CDK19: variants seen among roughly 807,000 people sequenced by gnomAD.
CDK19 encodes cyclin-dependent kinase 19.
A neutral mutation model predicts 68.3 loss-of-function variants in CDK19; 20 were observed. The ratio of observed to expected loss-of-function variants is 0.29; its 90% confidence interval spans 0.21 to 0.43. The LOEUF (loss-of-function observed/expected upper bound fraction) is 0.43. Among genes scored for constraint, CDK19 ranks in the 20% least tolerant of loss-of-function variants. The pLI, the probability that CDK19 is intolerant of heterozygous loss-of-function variation, is 1.00. For synonymous variants in CDK19, 221 were observed against 222.8 expected, an observed-to-expected ratio of 0.99 and a Z score of 0.07; for missense variants, 339 against 623.5, an observed-to-expected ratio of 0.54 and a Z score of 4.86.
chr6:110,632,831 C>A lies in CDK19; in HGVS notation c.515-670G>T, dbSNP rs1779525523. ...GGTCTGACTTTAGATTCCTGGCTTT[C>A]AGAGAGTTACAAAAACATTCTTAAG... On this transcript the variant is annotated intron_variant, in intron 5 of 12. Coordinates refer to ENST00000368911, the MANE Select transcript of CDK19 (RefSeq NM_015076.5). 2.0e-5 allele frequency among the ~76,000 whole-genome samples: 3 copies of A among 152,330 alleles called. No homozygotes were observed. The South Asian group carries it at 6.2e-4, about 32-fold the overall frequency.
intron 1 of CDK19, among the ~76,000 whole-genome samples, chr6:110,812,086 AG>A (rs1783145447): frequency 6.6e-6 from 1 of 152,082 alleles, no homozygotes; most frequent in Non-Finnish European, 1.5e-5. Flanking sequence ...TTGGGTCAAA[AG>A]CCTCTCTTCC....
intron 2 of CDK19, among the ~76,000 whole-genome samples, chr6:110,718,466 G>C (rs1411191207): frequency 6.6e-6 from 1 of 152,122 alleles, no homozygotes; most frequent in Non-Finnish European, 1.5e-5. Flanking sequence ...GAAGCTTGTT[G>C]TATGTCCTGG....
intron 4 of CDK19, among the ~76,000 whole-genome samples, chr6:110,649,644 A>G (rs946400485): frequency 2.0e-5 from 3 of 152,198 alleles, no homozygotes; most frequent in Non-Finnish European, 4.4e-5. Context: ...AACTCCTACA[A>G]GTCAATATGA....
intron 2 of CDK19, among the ~76,000 whole-genome samples, chr6:110,672,721 T>TTTC (rs1280782102): frequency 1.3e-5 from 2 of 152,230 alleles, no homozygotes; most frequent in Admixed American, 1.3e-4. Flanking sequence ...CTTTGTTTGT[T>TTTC]TTCTTACCCT....
At chr6:110,741,730 C>T (rs988559540) in intron 2 of CDK19, among the ~76,000 whole-genome samples, 23 of 151,586 alleles carry the variant, frequency 1.5e-4, no homozygotes, top group African/African-American at 5.6e-4. Context: ...TCAGAAACCA[C>T]GAAGGCCAGA....
chr6:110,796,865 C>G (rs1321642386), intron 1 of CDK19, among the ~76,000 whole-genome samples: 1 of 151,056 alleles, frequency 6.6e-6, no homozygotes, highest in East Asian at 2.0e-4. Flanking sequence ...AAAAAATTAG[C>G]CAGGCGTGGT....
At chr6:110,752,280 G>A (rs745680505) in intron 1 of CDK19, among the ~76,000 whole-genome samples, 5 of 151,920 alleles carry the variant, frequency 3.3e-5, no homozygotes, top group African/African-American at 9.7e-5. Flanking sequence ...TTATCAACTC[G>A]TGGACAGCCT....
rs774904075 is a variant in CDK19 at position 110,706,404 on chromosome 6, G to GTTTTTTTTTTTTTTTTTT, written c.205-35864_205-35863insAAAAAAAAAAAAAAAAAA. 2.8e-5 allele frequency: 2 copies of GTTTTTTTTTTTTTTTTTT among 71,064 alleles called. 1 individual carries two copies. The highest frequency in any genetic ancestry group is 4.8e-4 in the Admixed American group (2 of 4,160). 4.4% of individuals were successfully genotyped at this position (71,064 alleles called of 1,614,324 possible). On this transcript the variant is annotated intron_variant, in intron 2 of 12. Transcript: ENST00000368911. The stretch of plus-strand genomic sequence containing the variant: ...CAACAGCATGCTGGGTAACACTGTT[G>GTTTTTTTTTTTTTTTTTT]TTTTTTTTTTGTTTGTTTTTTTTTT...
chr6:110,619,414 G>A (rs941150827), intron 12 of CDK19, among the ~76,000 whole-genome samples: 8 of 151,994 alleles, frequency 5.3e-5, no homozygotes, highest in Admixed American at 3.3e-4. Flanking sequence ...GTTTATTACA[G>A]AAGGTATGAA....
chr6:110,738,310 G>A, intron 2 of CDK19, among the ~76,000 whole-genome samples: 1 of 150,132 alleles, frequency 6.7e-6, no homozygotes, highest in African/African-American at 2.5e-5. Flanking sequence ...AGGAGTTCGA[G>A]ACCAGCCTGG....
chr6:110,723,218 A>G (rs1438289944), intron 2 of CDK19, among the ~76,000 whole-genome samples: 2 of 151,784 alleles, frequency 1.3e-5, no homozygotes, highest in Non-Finnish European at 2.9e-5. Context: ...ATACACAAGC[A>G]AGGCCACATG....
chr6:110,759,072 G>A (rs1462166182), intron 1 of CDK19, among the ~76,000 whole-genome samples: 1 of 151,898 alleles, frequency 6.6e-6, no homozygotes, highest in East Asian at 1.9e-4. Flanking sequence ...GACCAGCCTG[G>A]TCAACGTAGC....
At position 110,621,988 on chromosome 6, in the gene CDK19, GA is replaced by G; in HGVS notation, c.1110+99del. On this transcript the variant is annotated intron_variant, in intron 11 of 12. Transcript: ENST00000368911. The surrounding 1 kb of genome is among the most constrained non-coding windows in gnomAD (Gnocchi z 5.4). ...TACATTCAAATTTAATTAAATATTA[GA>G]AAAGGTGGTTAAATGTATAGGAATT... The G allele has an allele frequency of 1.6e-6, 1 of 606,066 alleles. No homozygotes were observed. The highest frequency in any genetic ancestry group is 2.8e-6 in the Non-Finnish European group (1 of 353,866). 37.5% of individuals were successfully genotyped at this position (606,066 alleles called of 1,614,324 possible). A position where few individuals can be genotyped will look rare whatever the true frequency, so the allele number is the denominator to read the frequency against.
At chr6:110,642,484 G>A (rs780111057) in intron 4 of CDK19, among the ~76,000 whole-genome samples, 1 of 152,102 alleles carries the variant, frequency 6.6e-6, no homozygotes, top group Non-Finnish European at 1.5e-5. Context: ...CCCTCGTGGA[G>A]CTTACAGTCT....
Position 110,815,187 on chromosome 6 carries a change from T to A in CDK19, c.-51A>T. On this transcript the variant is annotated 5_prime_UTR_variant, in exon 1 of 13. Coordinates refer to ENST00000368911, the MANE Select transcript of CDK19 (RefSeq NM_015076.5). ...GGACGCGGGGGCCGCCGCCGCTCAG[T>A]CCCTCCTCCTCCTCCCCCCGCGACC... 6.9e-7 allele frequency: 1 copy of A among 1,452,596 alleles called. No homozygotes were observed. Among genetic ancestry groups the A allele is most frequent in the Non-Finnish European group, 9.1e-7 (1 of 1,092,910 alleles). 90.0% of individuals were successfully genotyped at this position (1,452,596 alleles called of 1,614,324 possible). A position where few individuals can be genotyped will look rare whatever the true frequency, so the allele number is the denominator to read the frequency against.
chr6:110,689,850 A>C (rs184445536), intron 2 of CDK19, among the ~76,000 whole-genome samples: 111 of 152,292 alleles, frequency 7.3e-4, no homozygotes, highest in African/African-American at 2.6e-3. Flanking sequence ...CCACAGGAGC[A>C]ACAGCATTCA....
At chr6:110,731,603 T>C (rs898316070) in intron 2 of CDK19, among the ~76,000 whole-genome samples, 3 of 152,210 alleles carry the variant, frequency 2.0e-5, no homozygotes, top group Non-Finnish European at 2.9e-5. Context: ...GTATGTGAAT[T>C]GTATCTCAAT....
chr6:110,766,849 A>T (rs1340965057), intron 1 of CDK19, among the ~76,000 whole-genome samples: 1 of 151,464 alleles, frequency 6.6e-6, no homozygotes, highest in African/African-American at 2.4e-5. Context: ...AAATAAACAA[A>T]TAAGGCTGGG....
intron 1 of CDK19, among the ~76,000 whole-genome samples, chr6:110,768,781 T>C (rs1196474548): frequency 1.8e-4 from 27 of 152,300 alleles, no homozygotes; most frequent in Admixed American, 1.0e-3. Context: ...AGCTACTCTG[T>C]ATGATACTGT....
Sources: allele counts gnomAD v4.1 joint callset (sites outside exome capture counted in the v4.1 genomes callset), GRCh38; gene constraint gnomAD v4.1.1; non-coding constraint Gnocchi (gnomAD v3.1); transcripts MANE v1.5; gene names NCBI Gene and HGNC (gene_info 2026-07-23, HGNC 2026-07-21).